The following VWA3B variants were observed in gnomAD, a reference collection of about 807,000 sequenced individuals.
VWA3B encodes von Willebrand factor A domain-containing protein 3B.
Under a neutral mutation model 158.3 loss-of-function variants are expected in VWA3B, and 138 were observed. The observed-to-expected ratio is 0.87, with a 90% confidence interval of 0.76 to 1.00. The LOEUF (loss-of-function observed/expected upper bound fraction) is 1.00. Among genes scored for constraint, VWA3B ranks in the 50% least tolerant of loss-of-function variants. The pLI is 0.00. For missense variants in VWA3B, 1,555 were observed against 1,565.1 expected, an observed-to-expected ratio of 0.99 and a Z score of 0.11; for synonymous variants, 596 against 587.3, an observed-to-expected ratio of 1.01 and a Z score of -0.21.
chr2:98,115,648 G>A lies in VWA3B; in HGVS notation c.197-4G>A. 1 of 1,612,604 alleles carries A rather than the reference G, an allele frequency of 6.2e-7. No individual in the cohort carries two copies. Among genetic ancestry groups the A allele is most frequent in the Admixed American group, 1.7e-5 (1 of 59,988 alleles). ...TTTGATTGTTTTTCTTTATAAAAATGCAGATTATGTGGCGTCTCTGGGGAG... is the reference window on the plus strand; with the variant it reads ...TTTGATTGTTTTTCTTTATAAAAATACAGATTATGTGGCGTCTCTGGGGAG... On this transcript the variant is annotated splice_polypyrimidine_tract_variant and splice_region_variant and intron_variant, in intron 2 of 27. Transcript: ENST00000477737.
rs1241023321 is a variant in VWA3B, at chr2:98,311,917, G to A, written c.3620G>A (p.Arg1207Lys). 5.0e-6 allele frequency: 8 copies of A among 1,609,230 alleles called. No homozygotes were observed. The highest frequency in any genetic ancestry group is 1.7e-5 in the Admixed American group (1 of 59,312). The stretch of plus-strand genomic sequence containing the variant: ...GAGCCAAGACGAGAGAAGCCCAGGA[G>A]GAAAAAGAGGCCCGCCAAGCAGCCA... Reference protein sequence around the residue: ...SREPRREKPRRKKRPAKQPLQ... With the variant: ...SREPRREKPRKKKRPAKQPLQ... Residue 1207 changes from arginine to lysine, a missense_variant, in exon 27 of 28, where the codon AGG becomes AAG. Physicochemically the swap from Arg to Lys is conservative, Grantham distance 26. Coordinates refer to ENST00000477737, the MANE Select transcript of VWA3B (RefSeq NM_144992.5).
chr2:98,102,182 G>A (rs1161457424), intron 2 of VWA3B, among the ~76,000 whole-genome samples: 1 of 152,108 alleles, frequency 6.6e-6, no homozygotes, highest in East Asian at 1.9e-4. Context: ...GAGAGCACGG[G>A]GTTGGGGGTA....
intron 10 of VWA3B, among the ~76,000 whole-genome samples, chr2:98,188,418 C>T (rs1252896166): frequency 6.6e-6 from 1 of 152,084 alleles, no homozygotes; most frequent in East Asian, 1.9e-4. Context: ...CATATTGACC[C>T]TCCAGAGCTG....
In VWA3B at chr2:98,166,506, G is replaced by T. The variant is rs372908990; in HGVS notation, c.1114+3530G>T. 5.2e-4 allele frequency among the ~76,000 whole-genome samples: 79 copies of T among 152,268 alleles called. No homozygotes were observed. The South Asian group carries it at 0.016, about 31-fold the overall frequency. On this transcript the variant is annotated intron_variant, in intron 8 of 27. Coordinates refer to ENST00000477737, the MANE Select transcript of VWA3B (RefSeq NM_144992.5). ...AAGGTCGTGTGCAGCACAGAGAGAA[G>T]GTGGCCGTCTCCTAGCCGGGAAGAA...
intron 26 of VWA3B, 124 bp downstream of exon 26, chr2:98,303,926 T>A: frequency 1.1e-6 from 1 of 879,728 alleles, no homozygotes; most frequent in East Asian, 2.7e-5. Flanking sequence ...CAGAATGTCC[T>A]ACTTAAAATG....
At chr2:98,207,987 T>C (rs1454793080) in intron 12 of VWA3B, among the ~76,000 whole-genome samples, 1 of 152,070 alleles carries the variant, frequency 6.6e-6, no homozygotes, top group Admixed American at 6.5e-5. Context: ...TAAAAATAGA[T>C]TTATCTATTT....
intron 21 of VWA3B, among the ~76,000 whole-genome samples, chr2:98,261,162 C>G (rs1313410568): frequency 6.6e-6 from 1 of 151,780 alleles, no homozygotes; most frequent in Middle Eastern, 3.4e-3. Flanking sequence ...TGTGATCGCT[C>G]TTTATTTCCT....
At chr2:98,116,472 A>G (rs1674541114) in intron 3 of VWA3B, among the ~76,000 whole-genome samples, 1 of 151,746 alleles carries the variant, frequency 6.6e-6, no homozygotes, top group African/African-American at 2.4e-5. Context: ...TCTTTACGTA[A>G]TCCTATGTGT....
intron 22 of VWA3B, among the ~76,000 whole-genome samples, chr2:98,272,813 C>G (rs1688285446): frequency 6.6e-6 from 1 of 152,192 alleles, no homozygotes; most frequent in African/African-American, 2.4e-5. Flanking sequence ...ACCATGAGGG[C>G]TCTGGTCATA....
chr2:98,194,718 C>T (rs1681898119), intron 12 of VWA3B, among the ~76,000 whole-genome samples: 1 of 152,202 alleles, frequency 6.6e-6, no homozygotes. Flanking sequence ...TCACAGTTCT[C>T]TATTTCCAGC....
chr2:98,151,807 C>T (rs1013652618), intron 7 of VWA3B, among the ~76,000 whole-genome samples: 2 of 152,184 alleles, frequency 1.3e-5, no homozygotes, highest in Non-Finnish European at 2.9e-5. Flanking sequence ...TTAAAGCATA[C>T]GACACACATG....
intron 7 of VWA3B, among the ~76,000 whole-genome samples, chr2:98,158,079 T>C (rs1009921997): frequency 6.6e-6 from 1 of 152,174 alleles, no homozygotes; most frequent in Non-Finnish European, 1.5e-5. Context: ...TGTGCTCAGA[T>C]GATCTGAGTC....
chr2:98,159,985 G>T (rs1169733147), intron 7 of VWA3B, among the ~76,000 whole-genome samples: 1 of 150,608 alleles, frequency 6.6e-6, no homozygotes, highest in African/African-American at 2.4e-5. Context: ...ACTCCAGCCT[G>T]GGCGACAGAG....
At position 98,119,746 on chromosome 2, in the gene VWA3B, C is replaced by T. The variant is rs751232494; in HGVS notation, c.525C>T (p.Thr175=). ...TCCAGGAGCAGGTGGCTCACATAAC[C>T]GAGTTCAATATCATACGGTGAGTTC... ...MVLQEQVAHI[T]EFNIIRVSQE... Residue 175 remains threonine, a synonymous_variant, in exon 4 of 28, where the codon ACC becomes ACT. Transcript: ENST00000477737. 1.1e-5 allele frequency: 18 copies of T among 1,613,808 alleles called. No homozygotes were observed. The highest frequency in any genetic ancestry group is 4.4e-5 in the South Asian group (4 of 91,034).
At chr2:98,231,455 CAA>C (rs1685328243) in intron 16 of VWA3B, among the ~76,000 whole-genome samples, 3 of 152,108 alleles carry the variant, frequency 2.0e-5, no homozygotes, top group Non-Finnish European at 2.9e-5. Context: ...TTAATCCACA[CAA>C]ATATACCCAA....
intron 21 of VWA3B, among the ~76,000 whole-genome samples, 176 bp from the exon 22 acceptor site, chr2:98,270,506 G>C (rs568000546): frequency 6.6e-6 from 1 of 152,336 alleles, no homozygotes; most frequent in South Asian, 2.1e-4. Context: ...CCAAAGTCCT[G>C]ATAGAGCAGA....
chr2:98,192,796 A>G, intron 10 of VWA3B, 102 bp from the exon 11 acceptor site: 5 of 1,504,568 alleles, frequency 3.3e-6, no homozygotes, highest in South Asian at 1.2e-5. Flanking sequence ...TAAACAACAT[A>G]GCGCAGCTCT....
intron 3 of VWA3B, among the ~76,000 whole-genome samples, chr2:98,117,196 C>T (rs564291020): frequency 5.9e-5 from 9 of 152,264 alleles, no homozygotes; most frequent in South Asian, 4.1e-4. Context: ...GAAGAGTTTA[C>T]GGAATTCTTG....
chr2:98,241,142 C>T (rs568632938), intron 19 of VWA3B, among the ~76,000 whole-genome samples: 2 of 152,184 alleles, frequency 1.3e-5, no homozygotes, highest in Admixed American at 6.5e-5. Flanking sequence ...TAGCTAGTGG[C>T]ATCGGAGTTC....
Sources: gnomAD v4.1 joint callset for allele counts (sites outside exome capture counted in the v4.1 genomes callset) on GRCh38, gnomAD v4.1.1 for gene constraint, MANE v1.5 for transcripts, NCBI Gene and HGNC (gene_info 2026-07-23, HGNC 2026-07-21) for gene names.